PADI4: variants seen among roughly 807,000 people sequenced by gnomAD.
PADI4 encodes peptidyl arginine deiminase 4.
PADI4 carries 62 observed loss-of-function variants against 75.0 expected under a neutral mutation model. The observed-to-expected ratio is 0.83, with a 90% CI of 0.67 to 1.02. The LOEUF is 1.02. PADI4 is among the 50% of genes least tolerant of loss of function. The probability of loss-of-function intolerance (pLI) is 0.00; values close to 1 mark genes in which losing one functional copy is unlikely to be tolerated. For missense variants in PADI4, 845 were observed against 850.5 expected, an observed-to-expected ratio of 0.99 and a Z score of 0.08; for synonymous variants, 361 against 348.1, an observed-to-expected ratio of 1.04 and a Z score of -0.41.
chr1:17,339,057 T>C (rs1012859482), intron 5 of PADI4, among the ~76,000 whole-genome samples: 1 of 152,096 alleles, frequency 6.6e-6, no homozygotes, highest in Non-Finnish European at 1.5e-5. Flanking sequence ...CATTCTACGG[T>C]GGGTACAACT....
intron 10 of PADI4, chr1:17,348,656 C>A (rs955917857): frequency 6.6e-6 from 1 of 152,250 alleles, no homozygotes; most frequent in African/African-American, 2.4e-5. Context: ...GTGCTGCATT[C>A]TTTACCTGCA....
intron 11 of PADI4, 51 bp from the exon 12 acceptor site, chr1:17,355,932 T>C (rs1300582599): frequency 1.9e-6 from 3 of 1,611,010 alleles, no homozygotes; most frequent in Admixed American, 3.3e-5. Context: ...CTTCAGGGAC[T>C]TCCCTGTAGC....
chr1:17,342,122 G>A lies in PADI4; in HGVS notation c.831+1G>A, dbSNP rs1433792908. 6.2e-7 allele frequency: 1 copy of A among 1,613,554 alleles called. No homozygotes were observed. The highest frequency in any genetic ancestry group is 1.1e-5 in the South Asian group (1 of 91,062). On this transcript the variant is annotated splice_donor_variant, in intron 7 of 15. Coordinates refer to ENST00000375448, the MANE Select transcript of PADI4 (RefSeq NM_012387.3). LOFTEE classifies it high-confidence loss of function. Reference sequence around the variant, plus strand: ...CTCCCTGCTGGACACGTCCAACCTGGTAGGCCGAGAAGGCAGCCCTGCATC... The same window carrying A: ...CTCCCTGCTGGACACGTCCAACCTGATAGGCCGAGAAGGCAGCCCTGCATC...
intron 1 of PADI4, among the ~76,000 whole-genome samples, chr1:17,312,059 T>C (rs1363883530): frequency 6.6e-6 from 1 of 152,226 alleles, no homozygotes; most frequent in Non-Finnish European, 1.5e-5. Flanking sequence ...CAGAGGTTTA[T>C]TTCCAAGGTT....
chr1:17,332,202 G>T (rs12033604), intron 2 of PADI4, among the ~76,000 whole-genome samples: 84,737 of 151,888 alleles, frequency 0.56, 23,820 homozygotes, highest in East Asian at 0.59. Flanking sequence ...GCCATGGGAT[G>T]TGGGGCCCAG....
At chr1:17,340,221 C>T (rs1011040714) in intron 6 of PADI4, among the ~76,000 whole-genome samples, 1 of 152,134 alleles carries the variant, frequency 6.6e-6, no homozygotes, top group African/African-American at 2.4e-5. Flanking sequence ...AGGTTGATCC[C>T]AGGCACGGGG....
intron 1 of PADI4, 117 bp from the exon 2 acceptor site, chr1:17,330,852 A>G (rs562969381): frequency 4.5e-6 from 3 of 659,742 alleles, no homozygotes; most frequent in East Asian, 6.2e-5. Context: ...CGCATCTTTC[A>G]GTCCAAACAA....
At chr1:17,363,323 A>G (rs2074872248) in intron 15 of PADI4, among the ~76,000 whole-genome samples, 199 bp from the exon 16 acceptor site, 1 of 151,518 alleles carries the variant, frequency 6.6e-6, no homozygotes, top group Admixed American at 6.6e-5. Flanking sequence ...GGGTCTCACC[A>G]TGTTGCCCAG....
Position 17,315,019 on chromosome 1 carries a change from C to T in PADI4, c.92+6705C>T, listed in dbSNP as rs1398369141. On this transcript the variant is annotated intron_variant, in intron 1 of 15. Coordinates refer to ENST00000375448, the MANE Select transcript of PADI4 (RefSeq NM_012387.3). ...TGATGACAACCCAGCCATCCTGCTC[C>T]CCACCCCCGTCAGCATGGGAACCAG... Among the ~76,000 whole-genome samples the T allele has an allele frequency of 2.6e-5, 4 of 152,222 alleles. 1 individual carries two copies. Among genetic ancestry groups the T allele is most frequent in the Admixed American group, 2.6e-4 (4 of 15,286 alleles).
At chr1:17,340,038 TCA>T (rs1557562312) in intron 6 of PADI4, among the ~76,000 whole-genome samples, 1 of 118,832 alleles carries the variant, frequency 8.4e-6, no homozygotes, top group African/African-American at 3.3e-5. Flanking sequence ...TCTCTCTCTC[TCA>T]CACACGCGCG....
intron 1 of PADI4, among the ~76,000 whole-genome samples, chr1:17,313,498 CAAAAAA>C (rs71014933): frequency 1.4e-3 from 93 of 68,402 alleles, no homozygotes; most frequent in African/African-American, 1.1e-3. Flanking sequence ...AAGACCTTGT[CAAAAAA>C]AAAAAAAAAA....
rs1318716039 is a variant in PADI4, at chr1:17,333,998, T to A, written c.329T>A (p.Leu110His). The A allele has an allele frequency of 6.2e-7, 1 of 1,609,098 alleles. No individual in the cohort carries two copies. The highest frequency in any genetic ancestry group is 8.5e-7 in the Non-Finnish European group (1 of 1,175,424). Residue 110 changes from leucine (L) to histidine (H), a missense_variant, in exon 3 of 16, where the codon CTC (leucine) becomes CAC (histidine). Transcript: ENST00000375448. ...CCACCAGTCAAAGCTCTACTCTACC[T>A]CACCGGGGTGGGTAAGTGACAACCA... ...KTPPVKALLYLTGVEISLCAD... is the reference protein window; with the variant it reads ...KTPPVKALLYHTGVEISLCAD...
At chr1:17,332,451 T>C (rs1157674454) in intron 2 of PADI4, among the ~76,000 whole-genome samples, 1 of 152,126 alleles carries the variant, frequency 6.6e-6, no homozygotes, top group African/African-American at 2.4e-5. Context: ...GATTTCACCA[T>C]GTTGGTCAGG....
chr1:17,308,351 C>G, intron 1 of PADI4, 37 bp downstream of exon 1: 1 of 1,525,430 alleles, frequency 6.6e-7, no homozygotes, highest in Non-Finnish European at 9.1e-7. Flanking sequence ...GGAGGCAGGT[C>G]AGGAGATGCT....
In PADI4 at chr1:17,358,846, C is replaced by A. The variant is rs1293935019; in HGVS notation, c.1567C>A (p.Gln523Lys). ...LLFEGIKKKK[Q>K]QKIKNILSNK... ...CTTTTTCTCCATGACAGAAAAAAAA[C>A]AGCAGAAAATAAAGAACATTCTGTC... The change falls in exon 14 of 16, where the codon CAG (glutamine) becomes AAG (lysine). Residue 523 changes from glutamine (Q) to lysine (K), a missense_variant. Coordinates refer to ENST00000375448, the MANE Select transcript of PADI4 (RefSeq NM_012387.3). 3 of 1,597,618 alleles carry A rather than the reference C, an allele frequency of 1.9e-6. No individual in the cohort carries two copies. Among genetic ancestry groups the A allele is most frequent in the Non-Finnish European group, 2.6e-6 (3 of 1,170,170 alleles).
intron 15 of PADI4, among the ~76,000 whole-genome samples, chr1:17,360,950 T>C (rs1213861921): frequency 6.6e-6 from 1 of 151,754 alleles, no homozygotes; most frequent in Admixed American, 6.6e-5. Context: ...TATCATCCAT[T>C]GTGTTTTTGC....
chr1:17,349,374 C>A (rs998500583), intron 10 of PADI4, among the ~76,000 whole-genome samples: 8 of 152,170 alleles, frequency 5.3e-5, no homozygotes, highest in African/African-American at 1.9e-4. Context: ...CAGCACTGGT[C>A]CCTCAGCTAA....
intron 1 of PADI4, among the ~76,000 whole-genome samples, chr1:17,319,564 T>C (rs1166627018): frequency 6.6e-6 from 1 of 152,172 alleles, no homozygotes; most frequent in Non-Finnish European, 1.5e-5. Flanking sequence ...GAGGGTGTAT[T>C]AGTTTCCTAT....
At chr1:17,355,874 C>T in intron 11 of PADI4, 109 bp from the exon 12 acceptor site, 1 of 1,070,882 alleles carries the variant, frequency 9.3e-7, no homozygotes, top group East Asian at 2.4e-5. Context: ...TCCTGCATCC[C>T]TTTCTCAGCT....
Sources: gnomAD v4.1 joint callset for allele counts (sites outside exome capture counted in the v4.1 genomes callset) on GRCh38, gnomAD v4.1.1 for gene constraint, MANE v1.5 for transcripts, NCBI Gene and HGNC (gene_info 2026-07-23, HGNC 2026-07-21) for gene names.